Variants in PCSK2 observed in about 807,000 individuals in gnomAD.
PCSK2 encodes the protein proprotein convertase subtilisin/kexin type 2.
A neutral mutation model predicts 69.7 loss-of-function variants in PCSK2; 14 were observed. That is an observed-to-expected ratio of 0.20 (90% CI 0.13 to 0.31). The LOEUF (loss-of-function observed/expected upper bound fraction) is 0.31, where lower values mean the gene tolerates loss of function less well. PCSK2 is among the 10% of genes least tolerant of loss of function. The probability of loss-of-function intolerance (pLI) is 1.00; values close to 1 mark genes in which losing one functional copy is unlikely to be tolerated. For missense variants in PCSK2, 544 were observed against 842.5 expected, an observed-to-expected ratio of 0.65 and a Z score of 4.39; for synonymous variants, 307 against 320.7, an observed-to-expected ratio of 0.96 and a Z score of 0.46.
At chr20:17,395,715 C>A (rs1165084807) in intron 5 of PCSK2, among the ~76,000 whole-genome samples, 3 of 151,926 alleles carry the variant, frequency 2.0e-5, no homozygotes, top group African/African-American at 7.3e-5. Flanking sequence ...AGCAACAGAC[C>A]CCTGATACAG....
intron 11 of PCSK2, among the ~76,000 whole-genome samples, chr20:17,472,687 C>A (rs895021988): frequency 2.6e-5 from 4 of 152,202 alleles, no homozygotes; most frequent in African/African-American, 7.2e-5. Context: ...CTGCCTCAGC[C>A]TCCTGAGTAG....
chr20:17,279,625 G>A (rs1033447659), intron 2 of PCSK2, among the ~76,000 whole-genome samples: 2 of 151,906 alleles, frequency 1.3e-5, no homozygotes, highest in African/African-American at 4.8e-5. Context: ...GACCAACATG[G>A]AGAAACCCTG....
intron 10 of PCSK2, among the ~76,000 whole-genome samples, chr20:17,459,957 C>T (rs1157617068): frequency 6.6e-6 from 1 of 152,200 alleles, no homozygotes; most frequent in East Asian, 1.9e-4. Flanking sequence ...TTTAATGTTT[C>T]TGCATGAAAC....
chr20:17,379,068 T>C (rs2031015192), intron 5 of PCSK2, among the ~76,000 whole-genome samples: 2 of 152,198 alleles, frequency 1.3e-5, no homozygotes, highest in Non-Finnish European at 2.9e-5. Context: ...ATGCTGCTTC[T>C]GCTGAGCTGA....
At chr20:17,330,417 C>A (rs755229260) in intron 2 of PCSK2, among the ~76,000 whole-genome samples, 4 of 151,928 alleles carry the variant, frequency 2.6e-5, no homozygotes, top group Non-Finnish European at 4.4e-5. Flanking sequence ...CATGGCGAAA[C>A]CCCGTCTCTA....
intron 2 of PCSK2, among the ~76,000 whole-genome samples, chr20:17,303,542 A>AATATAATATAAT (rs1302334434): frequency 9.4e-4 from 41 of 43,678 alleles, no homozygotes; most frequent in African/African-American, 2.9e-3. Context: ...TATTATATAT[A>AATATAATATAAT]ATATGATATA....
chr20:17,320,178 G>T (rs1400585942), intron 2 of PCSK2, among the ~76,000 whole-genome samples: 1 of 152,136 alleles, frequency 6.6e-6, no homozygotes, highest in Non-Finnish European at 1.5e-5. Flanking sequence ...CACATGAACT[G>T]CCTTTCCAGG....
chr20:17,465,311 G>T lies in PCSK2; in HGVS notation c.1203-15G>T. On this transcript the variant is annotated splice_polypyrimidine_tract_variant and intron_variant, in intron 10 of 11. Transcript: ENST00000262545. Reference sequence around the variant, plus strand: ...TTTTGCCCTTGCCCTCTTGCTCTCTGCTTCCTGTATCCAGCCTGGGTCTGA... The same window carrying T: ...TTTTGCCCTTGCCCTCTTGCTCTCTTCTTCCTGTATCCAGCCTGGGTCTGA... 6.2e-7 allele frequency: 1 copy of T among 1,607,014 alleles called. No homozygotes were observed. The highest frequency in any genetic ancestry group is 8.5e-7 in the Non-Finnish European group (1 of 1,174,078).
rs191258644 is a variant in PCSK2 at position 17,303,127 on chromosome 20, C to T, written c.282+42783C>T. Among the ~76,000 whole-genome samples, 567 of 148,550 alleles carry T rather than the reference C, an allele frequency of 3.8e-3. 2 individuals are homozygous for T. The highest frequency in any genetic ancestry group is 7.6e-3 in the Admixed American group (112 of 14,642). On this transcript the variant is annotated intron_variant, in intron 2 of 11. Coordinates refer to ENST00000262545, the MANE Select transcript of PCSK2 (RefSeq NM_002594.5). ...GTTGCTTTTTCCTATATTGTTCAAT[C>T]TCTTGCCAGGCAAAGGGATGGGTAT...
intron 4 of PCSK2, among the ~76,000 whole-genome samples, chr20:17,361,809 C>G (rs2030405931): frequency 6.6e-6 from 1 of 152,190 alleles, no homozygotes; most frequent in South Asian, 2.1e-4. Flanking sequence ...AGGGCTCTCA[C>G]AAGAAGAAAG....
chr20:17,252,519 T>A (rs1194829238), intron 1 of PCSK2, among the ~76,000 whole-genome samples: 2 of 152,198 alleles, frequency 1.3e-5, no homozygotes, highest in African/African-American at 4.8e-5. Context: ...TTAATTCCCA[T>A]AACAAAAACA....
At chr20:17,390,515 C>T (rs1015910244) in intron 5 of PCSK2, among the ~76,000 whole-genome samples, 2 of 152,170 alleles carry the variant, frequency 1.3e-5, no homozygotes, top group African/African-American at 4.8e-5. Flanking sequence ...GTGGAGAAGC[C>T]TGCCCATGTC....
At chr20:17,347,885 A>AG (rs879315751) in intron 2 of PCSK2, among the ~76,000 whole-genome samples, 5,501 of 13,722 alleles carry the variant, frequency 0.4, 771 homozygotes, top group Middle Eastern at 0.67. Context: ...AGAAAGAAAG[A>AG]AAGAAAGAAA....
chr20:17,347,147 C>T (rs1201003829), intron 2 of PCSK2, among the ~76,000 whole-genome samples: 1 of 152,214 alleles, frequency 6.6e-6, no homozygotes, highest in Non-Finnish European at 1.5e-5. Flanking sequence ...ACTGTGCATT[C>T]AGCCATAATC....
At chr20:17,269,874 A>C (rs978081783) in intron 2 of PCSK2, among the ~76,000 whole-genome samples, 1 of 152,140 alleles carries the variant, frequency 6.6e-6, no homozygotes, top group Non-Finnish European at 1.5e-5. Context: ...AAAAGAAAAA[A>C]CCTTACCCTC....
intron 1 of PCSK2, among the ~76,000 whole-genome samples, chr20:17,241,780 G>T (rs1243172403): frequency 6.6e-6 from 1 of 152,148 alleles, no homozygotes; most frequent in Non-Finnish European, 1.5e-5. Context: ...ATATATGAAT[G>T]CAGAACAAAT....
chr20:17,453,050 C>T lies in PCSK2; in HGVS notation c.886-692C>T, dbSNP rs2032855774. Among the ~76,000 whole-genome samples the T allele has an allele frequency of 6.6e-6, 1 of 152,062 alleles. No homozygotes were observed. ...GACTTTCCTCCTACATTTGGAGTTC[C>T]CTTGCTCAAGTAAAATGTCATATAT... On this transcript the variant is annotated intron_variant, in intron 8 of 11. Transcript: ENST00000262545. This position sits in a 1 kb window ranked among gnomAD's most constrained non-coding sequence, Gnocchi z 4.0.
At chr20:17,341,543 AC>A (rs952413782) in intron 2 of PCSK2, among the ~76,000 whole-genome samples, 12 of 152,122 alleles carry the variant, frequency 7.9e-5, no homozygotes, top group African/African-American at 2.9e-4. Flanking sequence ...GTTTTCAGGA[AC>A]CCTGCAGAGA....
At chr20:17,342,861 G>A (rs1990546885) in intron 2 of PCSK2, among the ~76,000 whole-genome samples, 2 of 149,488 alleles carry the variant, frequency 1.3e-5, no homozygotes, top group South Asian at 4.3e-4. Context: ...TTGCTATATT[G>A]CCCAGGCTTG....
Sources: gnomAD v4.1 joint callset for allele counts (sites outside exome capture counted in the v4.1 genomes callset) on GRCh38, gnomAD v4.1.1 for gene constraint, Gnocchi (gnomAD v3.1) non-coding constraint, MANE v1.5 for transcripts, NCBI Gene and HGNC (gene_info 2026-07-23, HGNC 2026-07-21) for gene names.